The following TTC28 variants were observed in gnomAD, a reference collection of about 807,000 sequenced individuals.
TTC28 encodes the protein tetratricopeptide repeat domain 28.
In TTC28, 61 loss-of-function variants were observed where a neutral mutation model predicts 198.0. That is an observed-to-expected ratio of 0.31 (90% CI 0.25 to 0.38). The LOEUF is 0.38. TTC28 is among the 10% of genes least tolerant of loss of function. The pLI is 1.00. For missense variants in TTC28, 2,678 were observed against 3,164.0 expected, an observed-to-expected ratio of 0.85 and a Z score of 3.69; for synonymous variants, 1,171 against 1,297.8, an observed-to-expected ratio of 0.90 and a Z score of 2.10.
intron 2 of TTC28, among the ~76,000 whole-genome samples, chr22:28,464,524 C>A (rs554702458): frequency 4.5e-4 from 68 of 152,038 alleles, no homozygotes; most frequent in African/African-American, 1.5e-3. Flanking sequence ...TTTTATTTTT[C>A]AATTTTCTTT....
At chr22:28,041,569 T>A (rs957017861) in intron 12 of TTC28, among the ~76,000 whole-genome samples, 2 of 152,196 alleles carry the variant, frequency 1.3e-5, no homozygotes, top group Admixed American at 6.5e-5. Context: ...TTACACCGTA[T>A]ACAAAAATTA....
chr22:28,000,438 G>GT (rs1937640854), intron 15 of TTC28: 1 of 152,368 alleles, frequency 6.6e-6, no homozygotes, highest in South Asian at 2.1e-4. Flanking sequence ...GCCCATCTGG[G>GT]TAAGACCTGT....
chr22:28,027,799 G>T (rs1938894287), intron 13 of TTC28, among the ~76,000 whole-genome samples: 1 of 152,274 alleles, frequency 6.6e-6, no homozygotes. Flanking sequence ...GGACCCCACA[G>T]CAGGGCAGGG....
At chr22:28,553,129 G>A (rs974652558) in intron 2 of TTC28, among the ~76,000 whole-genome samples, 13 of 152,306 alleles carry the variant, frequency 8.5e-5, no homozygotes, top group South Asian at 2.1e-4. Flanking sequence ...CGTGATCTCC[G>A]CTCGCTGCAA....
rs534749858 is a variant in TTC28, at chr22:28,212,506, G to A, written c.934-48907C>T. On this transcript the variant is annotated intron_variant, in intron 5 of 22. Transcript: ENST00000397906. ...AGAGAATACCAGAAACACCTCTACGGAAATAAACTAGAAAATCTAGAAGAA... is the reference window on the plus strand; with the variant it reads ...AGAGAATACCAGAAACACCTCTACGAAAATAAACTAGAAAATCTAGAAGAA... Among the ~76,000 whole-genome samples, 136 of 133,516 alleles carry A rather than the reference G, an allele frequency of 1.0e-3. 2 individuals carry two copies. The highest frequency in any genetic ancestry group is 3.3e-3 in the African/African-American group (129 of 39,392). 87.6% of individuals were successfully genotyped at this position (133,516 alleles called of 152,430 possible). A position where few individuals can be genotyped will look rare whatever the true frequency, so the allele number is the denominator to read the frequency against.
At chr22:28,603,263 A>C (rs972070642) in intron 2 of TTC28, among the ~76,000 whole-genome samples, 8 of 152,238 alleles carry the variant, frequency 5.3e-5, no homozygotes, top group African/African-American at 1.7e-4. Context: ...GGGAGAAAAA[A>C]GAAGAAATAA....
At chr22:28,336,849 CT>C (rs1360887083) in intron 2 of TTC28, among the ~76,000 whole-genome samples, 1 of 152,048 alleles carries the variant, frequency 6.6e-6, no homozygotes, top group Non-Finnish European at 1.5e-5. Flanking sequence ...TTCAGTTCTG[CT>C]CTGATTTTAG....
At chr22:28,349,228 T>C (rs190767012) in intron 2 of TTC28, among the ~76,000 whole-genome samples, 23 of 152,234 alleles carry the variant, frequency 1.5e-4, no homozygotes, top group Admixed American at 1.2e-3. Flanking sequence ...GAAAAGGCCA[T>C]GTAGCCAGAG....
chr22:28,095,766 G>C (rs1941953313), intron 11 of TTC28, among the ~76,000 whole-genome samples: 1 of 152,166 alleles, frequency 6.6e-6, no homozygotes, highest in Non-Finnish European at 1.5e-5. Context: ...TTTATAACCT[G>C]TGATAGAGCT....
rs1941970245 is a variant in TTC28, at chr22:28,096,309, G to C, written c.3647C>G (p.Pro1216Arg). 3.2e-6 allele frequency: 5 copies of C among 1,551,944 alleles called. No homozygotes were observed. Among genetic ancestry groups the C allele is most frequent in the Non-Finnish European group, 4.4e-6 (5 of 1,147,030 alleles). The change falls in exon 11 of 23, where the codon CCC (proline) becomes CGC (arginine). Residue 1216 changes from proline to arginine, a missense_variant. Transcript: ENST00000397906. Reference sequence around the variant, plus strand: ...CTGATCAATAGTGACTGGGGAGTAGGGGTCGGAGTCTTGTTGTCCTGTTTG... The same window carrying C: ...CTGATCAATAGTGACTGGGGAGTAGCGGTCGGAGTCTTGTTGTCCTGTTTG... ...ERQTGQQDSD[P>R]YSPVTIDQIL...
intron 2 of TTC28, among the ~76,000 whole-genome samples, chr22:28,627,018 C>A (rs958700439): frequency 5.9e-5 from 9 of 151,876 alleles, no homozygotes; most frequent in Non-Finnish European, 8.8e-5. Context: ...AGGAAAAACA[C>A]AAGTGGATCA....
At chr22:28,035,848 T>A (rs550678300) in intron 12 of TTC28, among the ~76,000 whole-genome samples, 224 of 152,228 alleles carry the variant, frequency 1.5e-3, no homozygotes, top group Non-Finnish European at 2.6e-3. Context: ...TAGTCTCTGA[T>A]AAAACAGACT....
chr22:28,213,776 CTACTT>C (rs1601485731), intron 5 of TTC28, among the ~76,000 whole-genome samples: 1 of 152,024 alleles, frequency 6.6e-6, no homozygotes, highest in East Asian at 1.9e-4. Context: ...TTGGAAAAAA[CTACTT>C]TAAAGTTCAT....
chr22:28,601,953 T>G (rs1417080158), intron 2 of TTC28, among the ~76,000 whole-genome samples: 2 of 152,186 alleles, frequency 1.3e-5, no homozygotes, highest in African/African-American at 4.8e-5. Context: ...CACAAGGATC[T>G]CTGGTAGACA....
At chr22:28,342,052 T>G (rs1330934782) in intron 2 of TTC28, among the ~76,000 whole-genome samples, 1 of 152,164 alleles carries the variant, frequency 6.6e-6, no homozygotes, top group Non-Finnish European at 1.5e-5. Context: ...ATTTGTACTC[T>G]GAACATGTTT....
At chr22:28,050,318 G>A (rs927580038) in intron 12 of TTC28, among the ~76,000 whole-genome samples, 8 of 152,142 alleles carry the variant, frequency 5.3e-5, no homozygotes, top group African/African-American at 1.9e-4. Flanking sequence ...AGTTCACAGA[G>A]GCATTTCCAT....
chr22:28,198,707 T>C (rs955500497), intron 5 of TTC28, among the ~76,000 whole-genome samples: 7 of 152,082 alleles, frequency 4.6e-5, no homozygotes, highest in Non-Finnish European at 1.0e-4. Context: ...AGGGCCCGGT[T>C]CCACACACGT....
intron 2 of TTC28, among the ~76,000 whole-genome samples, chr22:28,620,514 T>C (rs1211769640): frequency 6.6e-6 from 1 of 152,162 alleles, no homozygotes; most frequent in African/African-American, 2.4e-5. Flanking sequence ...GAGCTTTCAA[T>C]GGAAATTTTA....
At chr22:28,324,431 A>C (rs551177570) in intron 2 of TTC28, among the ~76,000 whole-genome samples, 3,043 of 150,304 alleles carry the variant, frequency 0.02, 103 homozygotes, top group African/African-American at 0.064. Context: ...AGAGACACAA[A>C]AAAAAAAAAG....
Sources: allele counts gnomAD v4.1 joint callset (sites outside exome capture counted in the v4.1 genomes callset), GRCh38; gene constraint gnomAD v4.1.1; transcripts MANE v1.5; gene names NCBI Gene and HGNC (gene_info 2026-07-23, HGNC 2026-07-21).